SAGE1: variants seen among roughly 807,000 people sequenced by gnomAD.
SAGE1 encodes sarcoma antigen 1.
A neutral mutation model predicts 55.4 loss-of-function variants in SAGE1; 55 were observed. That is an observed-to-expected ratio of 0.99 (90% CI 0.80 to 1.24). The LOEUF (loss-of-function observed/expected upper bound fraction) is 1.24. Among genes scored for constraint, SAGE1 ranks in the 50% most tolerant of loss-of-function variants. SAGE1 has a pLI of 0.00. For missense variants in SAGE1, 710 were observed against 704.4 expected, an observed-to-expected ratio of 1.01 and a Z score of -0.09; for synonymous variants, 240 against 244.3, an observed-to-expected ratio of 0.98 and a Z score of 0.17.
At chrX:135,905,886 A>T in intron 5 of SAGE1, 138 bp from the exon 6 acceptor site, 1 of 532,150 alleles carries the variant, frequency 1.9e-6, no homozygotes, top group Non-Finnish European at 3.0e-6. Context: ...CCTAAAATTC[A>T]GGGGTCTCAA....
At chrX:135,896,941 C>A (rs782094903) in intron 2 of SAGE1, among the ~76,000 whole-genome samples, 10 of 111,602 alleles carry the variant, frequency 9.0e-5, no homozygotes, top group African/African-American at 3.3e-4. Flanking sequence ...AATAAGAAAT[C>A]AAGGCTGACA....
In SAGE1 at chrX:135,911,215, C is replaced by A. The variant is rs1473010943; in HGVS notation, c.2029C>A (p.His677Asn). The change falls in exon 17 of 20, where the codon CAT becomes AAT. Residue 677 changes from histidine to asparagine, a missense_variant. His to Asn is a moderately conservative substitution (Grantham distance 68). Transcript: ENST00000370709. ...DLYVTATHSVHEEKMTNGQQA... is the reference protein window; with the variant it reads ...DLYVTATHSVNEEKMTNGQQA... ...AGATGTCACCGCCACTCACAGTGTCCATGAGGAGAAGATGACAAATGGCCA... is the reference window on the plus strand; with the variant it reads ...AGATGTCACCGCCACTCACAGTGTCAATGAGGAGAAGATGACAAATGGCCA... 1 of 1,208,815 alleles carries A rather than the reference C, an allele frequency of 8.3e-7. No homozygotes were observed. The highest frequency in any genetic ancestry group is 1.1e-6 in the Non-Finnish European group (1 of 894,402).
chrX:135,905,395 A>G lies in SAGE1; in HGVS notation c.454+3A>G, dbSNP rs1556600097. On this transcript the variant is annotated splice_donor_region_variant and intron_variant, in intron 5 of 19. Coordinates refer to ENST00000370709, the MANE Select transcript of SAGE1 (RefSeq NM_001381902.1). ...ATCCATGAGTACCAGGGATCTGCGTATGTCTGCTAATTAGTTGTACTGTCA... is the reference window on the plus strand; with the variant it reads ...ATCCATGAGTACCAGGGATCTGCGTGTGTCTGCTAATTAGTTGTACTGTCA... The G allele has an allele frequency of 8.4e-7, 1 of 1,191,651 alleles. No individual in the cohort carries two copies. The highest frequency in any genetic ancestry group is 1.1e-6 in the Non-Finnish European group (1 of 881,058).
At position 135,910,135 on chromosome X, in the gene SAGE1, C is replaced by T. The variant is rs781804053; in HGVS notation, c.1829C>T (p.Ala610Val). The change falls in exon 15 of 20, where the codon GCA (alanine) becomes GTA (valine). Residue 610 changes from alanine to valine, a missense_variant. Ala to Val is a moderately conservative substitution (Grantham distance 64). Coordinates refer to ENST00000370709, the MANE Select transcript of SAGE1 (RefSeq NM_001381902.1). Reference protein sequence around the residue: ...TVPPAFINMAATGVSSMSTRD... With the variant: ...TVPPAFINMAVTGVSSMSTRD... ...CCACCAGCATTTATTAATATGGCAG[C>T]AACTGGTGTTTCATCCATGAGTACC... 2.5e-6 allele frequency: 3 copies of T among 1,205,371 alleles called. No individual in the cohort carries two copies. Among genetic ancestry groups the T allele is most frequent in the Non-Finnish European group, 3.4e-6 (3 of 890,604 alleles).
intron 17 of SAGE1, 29 bp from the exon 18 acceptor site, chrX:135,911,550 A>T: frequency 9.0e-7 from 1 of 1,107,642 alleles, no homozygotes; most frequent in Admixed American, 2.2e-5. Context: ...CACTTATCTC[A>T]CAGCTCAATT....
rs2088905236 is a variant in SAGE1, at chrX:135,911,905, G to C, written c.2473G>C (p.Asp825His). ...TCCTGCCATGGCAAAGAAAATTAAT[G>C]ATGATATAAAATATCAATTAATGAA... is the stretch of plus-strand genomic sequence containing the variant. Reference protein sequence around the residue: ...ISPAMAKKINDDIKYQLMKEV... With the variant: ...ISPAMAKKINHDIKYQLMKEV... Residue 825 changes from aspartate (D) to histidine (H), a missense_variant, in exon 18 of 20, where the codon GAT becomes CAT. By Grantham distance (81) the Asp-to-His change is moderately conservative (BLOSUM62 -1). Coordinates refer to ENST00000370709, the MANE Select transcript of SAGE1 (RefSeq NM_001381902.1). 8.3e-7 allele frequency: 1 copy of C among 1,209,628 alleles called. No individual in the cohort carries two copies. Among genetic ancestry groups the C allele is most frequent in the Non-Finnish European group, 1.1e-6 (1 of 893,719 alleles).
chrX:135,896,421 A>G (rs1397410423), intron 2 of SAGE1, 92 bp downstream of exon 2: 3 of 580,613 alleles, frequency 5.2e-6, no homozygotes, highest in East Asian at 7.0e-5. Flanking sequence ...TATATGTGTT[A>G]ATTCTCTTGA....
intron 15 of SAGE1, 112 bp downstream of exon 15, chrX:135,910,282 G>T: frequency 1.9e-6 from 2 of 1,034,418 alleles, no homozygotes; most frequent in Non-Finnish European, 2.7e-6. Context: ...CAATTTTAGG[G>T]TTCTCAGATT....
chrX:135,909,916 A>T (rs1242565374), intron 14 of SAGE1, 114 bp from the exon 15 acceptor site: 105 of 999,288 alleles, frequency 1.1e-4, no homozygotes, highest in Non-Finnish European at 1.0e-4. Context: ...CATCTGGCAT[A>T]TCCTCTCCGG....
intron 14 of SAGE1, 124 bp downstream of exon 14, chrX:135,909,903 C>T (rs1163118925): frequency 1.3e-5 from 12 of 958,416 alleles, no homozygotes; most frequent in South Asian, 9.3e-5. Context: ...GTTCTCAGAT[C>T]GCCATCTGGC....
rs1556606740 is a variant in SAGE1, at chrX:135,911,848, G to A, written c.2416G>A (p.Val806Met). 1 of 1,209,606 alleles carries A rather than the reference G, an allele frequency of 8.3e-7. No homozygotes were observed. The highest frequency in any genetic ancestry group is 1.7e-5 in the African/African-American group (1 of 57,319). The change falls in exon 18 of 20, where the codon GTG becomes ATG. Residue 806 changes from valine to methionine, a missense_variant. By Grantham distance (21) the Val-to-Met change is conservative. Transcript: ENST00000370709. ...GDPPVTVMSL[V>M]ETVPNTPQIS... ...CCCACCAGTTACAGTAATGTCTTTGGTGGAAACTGTGCCAAATACACCACA... is the reference window on the plus strand; with the variant it reads ...CCCACCAGTTACAGTAATGTCTTTGATGGAAACTGTGCCAAATACACCACA...
intron 12 of SAGE1, 55 bp from the exon 13 acceptor site, chrX:135,908,809 T>A: frequency 1.7e-6 from 2 of 1,173,328 alleles, no homozygotes; most frequent in Non-Finnish European, 2.3e-6. Flanking sequence ...GATATATCGG[T>A]GGGGTTGACA....
chrX:135,905,662 A>C (rs782669765), intron 5 of SAGE1, among the ~76,000 whole-genome samples: 389 of 111,456 alleles, frequency 3.5e-3, no homozygotes, highest in South Asian at 7.2e-3. Flanking sequence ...TACTCACATT[A>C]TCTGTGAAGA....
At chrX:135,905,899 C>A in intron 5 of SAGE1, 125 bp from the exon 6 acceptor site, 1 of 606,500 alleles carries the variant, frequency 1.6e-6, no homozygotes, top group Non-Finnish European at 2.5e-6. Flanking sequence ...GGTCTCAAAT[C>A]ACCACCTGAT....
intron 2 of SAGE1, 32 bp downstream of exon 2, chrX:135,896,361 T>G: frequency 1.1e-6 from 1 of 938,030 alleles, no homozygotes; most frequent in Non-Finnish European, 1.5e-6. Context: ...CTGCCCTAAT[T>G]GTGACATTCT....
In SAGE1 at chrX:135,896,159, G is replaced by A. The variant is rs781901647; in HGVS notation, c.1-84G>A. 4.9e-5 allele frequency: 32 copies of A among 657,564 alleles called. No homozygotes were observed. In the Admixed American group the frequency reaches 5.0e-4, roughly 10 times the overall value. 54.2% of individuals were successfully genotyped at this position (657,564 alleles called of 1,213,427 possible). A position where few individuals can be genotyped will look rare whatever the true frequency, so the allele number is the denominator to read the frequency against. On this transcript the variant is annotated intron_variant, in intron 1 of 19. Coordinates refer to ENST00000370709, the MANE Select transcript of SAGE1 (RefSeq NM_001381902.1). Reference sequence around the variant, plus strand: ...GGATCATATATTTCAGCTGTATAGCGCCAATTTATGTGCCAGTTACGTTCC... The same window carrying A: ...GGATCATATATTTCAGCTGTATAGCACCAATTTATGTGCCAGTTACGTTCC...
intron 3 of SAGE1, among the ~76,000 whole-genome samples, chrX:135,902,265 C>G (rs2088692077): frequency 9.0e-6 from 1 of 111,693 alleles, no homozygotes; most frequent in South Asian, 3.8e-4. Flanking sequence ...ATGATTCACA[C>G]TATAAGAACT....
rs2088816332 is a variant in SAGE1 at position 135,907,418 on chromosome X, C to G, written c.983C>G (p.Ala328Gly). The G allele has an allele frequency of 8.3e-7, 1 of 1,207,042 alleles. No homozygotes were observed. Among genetic ancestry groups the G allele is most frequent in the South Asian group, 1.8e-5 (1 of 56,564 alleles). ...TVQPVIIYLT[A>G]TGIPGMNTRD... ...CAACCAGTGATTATTTATTTGACAG[C>G]AACTGGTATTCCGGGCATGAATACC... is the stretch of plus-strand genomic sequence containing the variant. The change falls in exon 9 of 20, where the codon GCA becomes GGA. Residue 328 changes from alanine (A) to glycine (G), a missense_variant. Coordinates refer to ENST00000370709, the MANE Select transcript of SAGE1 (RefSeq NM_001381902.1).
rs782195983 is a variant in SAGE1, at chrX:135,907,417, G to A, written c.982G>A (p.Ala328Thr). 4.1e-6 allele frequency: 5 copies of A among 1,207,325 alleles called. No individual in the cohort carries two copies. The highest frequency in any genetic ancestry group is 4.5e-6 in the Non-Finnish European group (4 of 892,045). ...TVQPVIIYLT[A>T]TGIPGMNTRD... is the part of the protein sequence containing the mutation. ...TCAACCAGTGATTATTTATTTGACA[G>A]CAACTGGTATTCCGGGCATGAATAC... Residue 328 changes from alanine (A) to threonine (T), a missense_variant, in exon 9 of 20, where the codon GCA (alanine) becomes ACA (threonine). Physicochemically the swap from Ala to Thr is moderately conservative, Grantham distance 58 (BLOSUM62 0). Transcript: ENST00000370709.
Sources: allele counts gnomAD v4.1 joint callset (sites outside exome capture counted in the v4.1 genomes callset), GRCh38; gene constraint gnomAD v4.1.1; transcripts MANE v1.5; gene names NCBI Gene and HGNC (gene_info 2026-07-23, HGNC 2026-07-21).